EXOG: variants seen among roughly 807,000 people sequenced by gnomAD.
The protein encoded by EXOG is exo/endonuclease G, also known as nuclease EXOG, mitochondrial.
Under a neutral mutation model 25.8 loss-of-function variants are expected in EXOG, and 27 were observed. The ratio of observed to expected loss-of-function variants is 1.05; its 90% CI spans 0.77 to 1.45. EXOG has a LOEUF of 1.45. EXOG is among the 40% of genes most tolerant of loss of function. The pLI is 0.00. For synonymous variants in EXOG, 133 were observed against 167.0 expected (o/e 0.80, Z 1.57); for missense variants, 458 against 450.5 (o/e 1.02, Z -0.15).
chr3:38,516,962 C>T (rs1338882312), intron 5 of EXOG, among the ~76,000 whole-genome samples: 1 of 152,192 alleles, frequency 6.6e-6, no homozygotes, highest in Non-Finnish European at 1.5e-5. Flanking sequence ...TGCATAATAT[C>T]AGTTTGTCTG....
chr3:38,514,092 TGAG>T (rs1018101685), intron 5 of EXOG, among the ~76,000 whole-genome samples: 5 of 152,116 alleles, frequency 3.3e-5, no homozygotes, highest in Admixed American at 2.0e-4. Flanking sequence ...AGCGTAAGCA[TGAG>T]GAGGAGAAGA....
chr3:38,522,880 T>G (rs1462150760), intron 5 of EXOG, among the ~76,000 whole-genome samples: 1 of 152,220 alleles, frequency 6.6e-6, no homozygotes, highest in Non-Finnish European at 1.5e-5. Context: ...ACCACACAAC[T>G]AATTTATGTT....
chr3:38,517,188 T>G (rs1340802693), intron 5 of EXOG, among the ~76,000 whole-genome samples: 1 of 152,262 alleles, frequency 6.6e-6, no homozygotes, highest in East Asian at 1.9e-4. Flanking sequence ...GATGACTTTC[T>G]AATTCTTACT....
rs1358530180 is a variant in EXOG at position 38,499,540 on chromosome 3, GTCT to G, written c.313+1766_313+1768del. The G allele has an allele frequency of 3.6e-5, 14 of 384,048 alleles. No individual in the cohort carries two copies. In the East Asian group the frequency reaches 1.0e-3, roughly 28 times the overall value. 23.8% of individuals were successfully genotyped at this position (384,048 alleles called of 1,614,324 possible). ...GTTTTACTTGATTTTAATGTAAAAG[GTCT>G]TCTGTTTTCAGTAATGATGGACTGA... On this transcript the variant is annotated intron_variant, in intron 2 of 5. Transcript: ENST00000287675.
At chr3:38,523,585 C>T (rs1021772175) in intron 5 of EXOG, among the ~76,000 whole-genome samples, 1 of 152,054 alleles carries the variant, frequency 6.6e-6, no homozygotes, top group African/African-American at 2.4e-5. Context: ...CCAGGCTGGT[C>T]TTGAACTCCT....
intron 3 of EXOG, 131 bp downstream of exon 3, chr3:38,501,625 A>G (rs2060046026): frequency 1.4e-6 from 1 of 719,244 alleles, no homozygotes; most frequent in Admixed American, 2.8e-5. Context: ...TTTCTTCCTG[A>G]CAATATGTCT....
Position 38,503,662 on chromosome 3 carries a change from T to C in EXOG, c.501T>C (p.Asp167=). Residue 167 remains aspartate, a synonymous_variant, in exon 4 of 6, where the codon GAT becomes GAC. Transcript: ENST00000287675. The part of the protein sequence containing the change: ...TFYLSNIVPQ[D]FDNNSGYWNR... ...ACCTTTCTAACATTGTGCCTCAGGA[T>C]TTTGATAATAATTCTGGATATTGGA... 1 of 1,605,764 alleles carries C rather than the reference T, an allele frequency of 6.2e-7. No individual in the cohort carries two copies. Among genetic ancestry groups the C allele is most frequent in the Admixed American group, 1.7e-5 (1 of 59,996 alleles).
At position 38,519,551 on chromosome 3, in the gene EXOG, A is replaced by AT. The variant is rs76600858; in HGVS notation, c.646-4341dup. On this transcript the variant is annotated intron_variant, in intron 5 of 5. Coordinates refer to ENST00000287675, the MANE Select transcript of EXOG (RefSeq NM_005107.4). ...TCATTTGAAGTGATATGGGAGTAATATTTTTTTTTAAGTCTCTTGCTTTAT... is the reference window on the plus strand; with the variant it reads ...TCATTTGAAGTGATATGGGAGTAATATTTTTTTTTTAAGTCTCTTGCTTTAT... Among the ~76,000 whole-genome samples, 700 of 151,696 alleles carry AT rather than the reference A, an allele frequency of 4.6e-3. 9 individuals are homozygous for AT. The highest frequency in any genetic ancestry group is 0.016 in the African/African-American group (657 of 41,396).
intron 5 of EXOG, among the ~76,000 whole-genome samples, chr3:38,518,849 G>T (rs1170174186): frequency 6.6e-6 from 1 of 152,134 alleles, no homozygotes. Context: ...AAGGCTTTAA[G>T]GATCAAGTCT....
At chr3:38,500,361 G>T (rs2060011803) in intron 2 of EXOG, among the ~76,000 whole-genome samples, 1 of 152,114 alleles carries the variant, frequency 6.6e-6, no homozygotes, top group South Asian at 2.1e-4. Context: ...CCTACAAATT[G>T]CTTTTCCAGG....
At chr3:38,520,987 T>G (rs2060699718) in intron 5 of EXOG, among the ~76,000 whole-genome samples, 2 of 152,234 alleles carry the variant, frequency 1.3e-5, no homozygotes, top group Non-Finnish European at 2.9e-5. Flanking sequence ...TTATGTAGAT[T>G]GAGTTGTCTT....
chr3:38,507,012 T>G, intron 5 of EXOG, 44 bp downstream of exon 5: 1 of 830,650 alleles, frequency 1.2e-6, no homozygotes, highest in East Asian at 2.6e-5. Flanking sequence ...TGTATGAGAT[T>G]ATAATCTCAC....
At chr3:38,510,163 C>A (rs1306654769) in intron 5 of EXOG, among the ~76,000 whole-genome samples, 3 of 152,136 alleles carry the variant, frequency 2.0e-5, no homozygotes, top group Non-Finnish European at 4.4e-5. Flanking sequence ...ATCAGGCATA[C>A]CCCAATTGAG....
chr3:38,506,812 A>G (rs751190200), intron 4 of EXOG, 42 bp from the exon 5 acceptor site: 8 of 958,522 alleles, frequency 8.3e-6, no homozygotes, highest in Middle Eastern at 2.1e-4. Context: ...TCTTACATGT[A>G]TATATGTGAG....
At chr3:38,505,453 C>T (rs2060174841) in intron 4 of EXOG, 1 of 151,588 alleles carries the variant, frequency 6.6e-6, no homozygotes, top group Non-Finnish European at 1.5e-5. Context: ...ATATATACAC[C>T]CTATTAAAAA....
intron 5 of EXOG, among the ~76,000 whole-genome samples, chr3:38,510,959 A>G (rs1365302200): frequency 1.3e-5 from 2 of 152,120 alleles, no homozygotes; most frequent in Non-Finnish European, 1.5e-5. Context: ...CTGGGCTTCT[A>G]AGGTCATATC....
chr3:38,496,954 T>G (rs952070015), intron 1 of EXOG: 82 of 1,120,280 alleles, frequency 7.3e-5, no homozygotes, highest in Non-Finnish European at 8.4e-5. Flanking sequence ...AGGAATAAAT[T>G]AATACATAAT....
intron 4 of EXOG, 124 bp from the exon 5 acceptor site, chr3:38,506,730 A>G (rs1226218683): frequency 1.2e-5 from 6 of 487,994 alleles, no homozygotes; most frequent in Non-Finnish European, 2.2e-5. Context: ...GTTTTGTGCC[A>G]TGTTCTTGTT....
At chr3:38,520,000 G>C (rs2060664211) in intron 5 of EXOG, among the ~76,000 whole-genome samples, 1 of 152,140 alleles carries the variant, frequency 6.6e-6, no homozygotes, top group African/African-American at 2.4e-5. Context: ...TGTCCCTCTA[G>C]TTTTATTTTT....
Sources: allele counts gnomAD v4.1 joint callset (sites outside exome capture counted in the v4.1 genomes callset), GRCh38; gene constraint gnomAD v4.1.1; transcripts MANE v1.5; gene names NCBI Gene and HGNC (gene_info 2026-07-23, HGNC 2026-07-21).